The following RTN4RL1 variants were observed in gnomAD, a reference collection of about 807,000 sequenced individuals.
The protein encoded by RTN4RL1 is reticulon-4 receptor-like 1.
A neutral mutation model predicts 25.6 loss-of-function variants in RTN4RL1; 7 were observed. The observed-to-expected ratio is 0.27, with a 90% CI of 0.16 to 0.51. The LOEUF (loss-of-function observed/expected upper bound fraction) is 0.51. RTN4RL1 is among the 20% of genes least tolerant of loss of function. The pLI is 0.97. For missense variants in RTN4RL1, 500 were observed against 615.6 expected (o/e 0.81, Z 1.99); for synonymous variants, 297 against 288.2 (o/e 1.03, Z -0.31).
chr17:1,986,605 AC>A (rs1171168941), intron 1 of RTN4RL1, among the ~76,000 whole-genome samples: 2 of 151,736 alleles, frequency 1.3e-5, no homozygotes, highest in Non-Finnish European at 2.9e-5. Flanking sequence ...GCCACAGAGA[AC>A]CCCCACGGCC....
intron 1 of RTN4RL1, among the ~76,000 whole-genome samples, chr17:1,943,119 A>T (rs1915472765): frequency 6.6e-6 from 1 of 152,136 alleles, no homozygotes; most frequent in African/African-American, 2.4e-5. Context: ...GCAGGACAGG[A>T]CCAACCAAGG....
intron 1 of RTN4RL1, among the ~76,000 whole-genome samples, chr17:1,961,496 C>T (rs922363065): frequency 1.3e-5 from 2 of 152,144 alleles, no homozygotes; most frequent in Non-Finnish European, 2.9e-5. Flanking sequence ...GAACATTTAA[C>T]ACAGGTCTGG....
In RTN4RL1 at chr17:1,936,361, G is replaced by A. The variant is rs982257634; in HGVS notation, c.*135C>T. On this transcript the variant is annotated 3_prime_UTR_variant, in exon 2 of 2. Transcript: ENST00000331238. The stretch of plus-strand genomic sequence containing the variant: ...ATAATCCACATGGCAGGGTCCAGAC[G>A]TCCAGACAGCAGCCGAAGGCTCTAC... The A allele has an allele frequency of 1.4e-5, 20 of 1,441,104 alleles. No homozygotes were observed. The highest frequency in any genetic ancestry group is 1.4e-4 in the Admixed American group (5 of 36,392). The allele number at this position is 1,441,104 out of a possible 1,614,324, so 89.3% of individuals were successfully genotyped here. A position where few individuals can be genotyped will look rare whatever the true frequency, so the allele number is the denominator to read the frequency against.
At chr17:2,023,671 A>ACCTCCCCACCCCCCCCCCC (rs2067239149) in intron 1 of RTN4RL1, 1 of 58,560 alleles carries the variant, frequency 1.7e-5, no homozygotes, top group Non-Finnish European at 3.7e-5. Context: ...GCTTCCCCCC[A>ACCTCCCCACCCCCCCCCCC]CCTCCCCAAC....
intron 1 of RTN4RL1, among the ~76,000 whole-genome samples, chr17:1,992,245 T>C (rs1260717200): frequency 1.3e-5 from 2 of 150,170 alleles, no homozygotes; most frequent in East Asian, 2.0e-4. Flanking sequence ...GCGCCTGCAG[T>C]CCCAGCTACT....
At position 2,021,790 on chromosome 17, in the gene RTN4RL1, G is replaced by A. The variant is rs1366816300; in HGVS notation, c.13+3063C>T. 1.2e-4 allele frequency among the ~76,000 whole-genome samples: 18 copies of A among 150,118 alleles called. 1 individual carries two copies. Among genetic ancestry groups the A allele is most frequent in the South Asian group, 2.1e-4 (1 of 4,702 alleles). On this transcript the variant is annotated intron_variant, in intron 1 of 1. Transcript: ENST00000331238. ...GGCTGGTCTCGAACTCCTGACCTCC[G>A]GTGATCCTCCCAACTCGGCCTCCCA... is the stretch of plus-strand genomic sequence containing the variant.
At chr17:1,950,772 C>T (rs1301685784) in intron 1 of RTN4RL1, among the ~76,000 whole-genome samples, 1 of 136,530 alleles carries the variant, frequency 7.3e-6, no homozygotes, top group African/African-American at 2.8e-5. Flanking sequence ...CTTGAACCCC[C>T]AAAGCAGGGG....
chr17:2,004,237 G>T, intron 1 of RTN4RL1, among the ~76,000 whole-genome samples: 1 of 141,464 alleles, frequency 7.1e-6, no homozygotes, highest in Non-Finnish European at 1.5e-5. Context: ...GTGTGGTGGC[G>T]GGCGCCTGTA....
chr17:1,982,349 GCGCCTGTAATCCCAGCACTTTGGGAGAC>G (rs1267523802), intron 1 of RTN4RL1, among the ~76,000 whole-genome samples: 1 of 146,600 alleles, frequency 6.8e-6, no homozygotes, highest in Non-Finnish European at 1.5e-5. Flanking sequence ...GAGGTGCCTC[GCGCCTGTAATCCCAGCACTTTGGGAGAC>G]CGAGGCGGGC....
At chr17:2,012,390 A>G (rs2067061375) in intron 1 of RTN4RL1, among the ~76,000 whole-genome samples, 1 of 152,222 alleles carries the variant, frequency 6.6e-6, no homozygotes, top group Non-Finnish European at 1.5e-5. Flanking sequence ...TGCCCAAGCT[A>G]CTGAGCCCCT....
At chr17:1,953,352 G>A (rs1915723506) in intron 1 of RTN4RL1, among the ~76,000 whole-genome samples, 1 of 152,012 alleles carries the variant, frequency 6.6e-6, no homozygotes, top group East Asian at 1.9e-4. Context: ...GCTGCAGTGA[G>A]CCATGATTAC....
chr17:2,000,515 G>A (rs931451408), intron 1 of RTN4RL1, among the ~76,000 whole-genome samples: 1 of 151,654 alleles, frequency 6.6e-6, no homozygotes, highest in African/African-American at 2.4e-5. Context: ...GCTAATTTTA[G>A]TATTTTATTT....
chr17:1,988,539 G>T (rs954167821), intron 1 of RTN4RL1, among the ~76,000 whole-genome samples: 1 of 138,130 alleles, frequency 7.2e-6, no homozygotes. Context: ...AAAAGAAAAA[G>T]AAAGAATTAA....
chr17:1,935,999 C>CTAAG lies in RTN4RL1; in HGVS notation c.*496_*497insCTTA, dbSNP rs547907505. 435 of 987,538 alleles carry CTAAG rather than the reference C, an allele frequency of 4.4e-4. 3 individuals are homozygous for CTAAG. In the African/African-American group the frequency reaches 7.1e-3, roughly 16 times the overall value. 61.2% of individuals were successfully genotyped at this position (987,538 alleles called of 1,614,324 possible). A position where few individuals can be genotyped will look rare whatever the true frequency, so the allele number is the denominator to read the frequency against. On this transcript the variant is annotated 3_prime_UTR_variant, in exon 2 of 2. Transcript: ENST00000331238. Reference sequence around the variant, plus strand: ...TAGGATAGAATTCAGGGCAGGGTGACTGGCCTCAGGCAAGAGCCAAGATGC... The same window carrying CTAAG: ...TAGGATAGAATTCAGGGCAGGGTGACTAAGTGGCCTCAGGCAAGAGCCAAGATGC...
intron 1 of RTN4RL1, among the ~76,000 whole-genome samples, chr17:2,005,087 C>T (rs1228969618): frequency 6.6e-6 from 1 of 152,182 alleles, no homozygotes; most frequent in Non-Finnish European, 1.5e-5. Flanking sequence ...CTCACTGTAG[C>T]CTCGACCTCC....
chr17:2,008,390 T>C (rs1026983141), intron 1 of RTN4RL1, among the ~76,000 whole-genome samples: 1 of 151,730 alleles, frequency 6.6e-6, no homozygotes, highest in Non-Finnish European at 1.5e-5. Context: ...GTTTGAGAAA[T>C]ACTGTTAATT....
In RTN4RL1 at chr17:1,937,213, C is replaced by T. The variant is rs1567846400; in HGVS notation, c.609G>A (p.Leu203=). The change falls in exon 2 of 2, where the codon TTG becomes TTA. Residue 203 remains leucine (L), a synonymous_variant. Coordinates refer to ENST00000331238, the MANE Select transcript of RTN4RL1 (RefSeq NM_178568.4). ...CCCACTGCAGCTGGTTCTCGTGCAGCAAAAGACGGTCCAGGTTCACCAGGC... is the reference window on the plus strand; with the variant it reads ...CCCACTGCAGCTGGTTCTCGTGCAGTAAAAGACGGTCCAGGTTCACCAGGC... ...FRGLVNLDRL[L]LHENQLQWVH... is the part of the protein sequence containing the mutation. 1.2e-6 allele frequency: 2 copies of T among 1,612,426 alleles called. No homozygotes were observed. Among genetic ancestry groups the T allele is most frequent in the Non-Finnish European group, 1.7e-6 (2 of 1,179,874 alleles).
chr17:1,976,727 GCT>G, intron 1 of RTN4RL1, among the ~76,000 whole-genome samples: 1 of 152,212 alleles, frequency 6.6e-6, no homozygotes, highest in African/African-American at 2.4e-5. Context: ...CCACCACCCA[GCT>G]CACGGGGCAG....
chr17:1,967,020 C>T (rs1039092835), intron 1 of RTN4RL1, among the ~76,000 whole-genome samples: 3 of 152,124 alleles, frequency 2.0e-5, no homozygotes, highest in African/African-American at 7.2e-5. Context: ...GCTCCTGACC[C>T]CGAGGTCTCA....
Sources: gnomAD v4.1 joint callset for allele counts (sites outside exome capture counted in the v4.1 genomes callset) on GRCh38, gnomAD v4.1.1 for gene constraint, MANE v1.5 for transcripts, NCBI Gene and HGNC (gene_info 2026-07-23, HGNC 2026-07-21) for gene names.